The following EGLN1 variants were observed in gnomAD, a reference collection of about 807,000 sequenced individuals.
EGLN1 encodes egl nine homolog 1.
EGLN1 carries 17 observed loss-of-function variants against 38.3 expected under a neutral mutation model. That is an observed-to-expected ratio of 0.44 (90% CI 0.30 to 0.67). The LOEUF (loss-of-function observed/expected upper bound fraction) is 0.67. Among genes scored for constraint, EGLN1 ranks in the 30% least tolerant of loss-of-function variants. EGLN1 has a pLI of 0.08. For missense variants in EGLN1, 477 were observed against 603.3 expected (o/e 0.79, Z 2.19); for synonymous variants, 283 against 257.5 (o/e 1.10, Z -0.95).
At position 231,392,956 on chromosome 1, in the gene EGLN1, G is replaced by A. The variant is rs117775352; in HGVS notation, c.892-18857C>T. Among the ~76,000 whole-genome samples the A allele has an allele frequency of 2.1e-3, 315 of 152,300 alleles. 3 individuals are homozygous for A. The highest frequency in any genetic ancestry group is 0.014 in the East Asian group (74 of 5,170). On this transcript the variant is annotated intron_variant, in intron 1 of 4. Transcript: ENST00000366641. ...GGTTCACTCTCTACCCTCCAGGGTG[G>A]ACATGTGGCTCAAGCCTGGCCAGAA...
intron 1 of EGLN1, among the ~76,000 whole-genome samples, chr1:231,391,323 G>A (rs1688381808): frequency 6.6e-6 from 1 of 151,922 alleles, no homozygotes; most frequent in Non-Finnish European, 1.5e-5. Flanking sequence ...CATCCATAAG[G>A]CAGTGCTTCT....
intron 1 of EGLN1, among the ~76,000 whole-genome samples, chr1:231,385,853 C>T (rs1688192204): frequency 6.6e-6 from 1 of 152,062 alleles, no homozygotes; most frequent in Non-Finnish European, 1.5e-5. Flanking sequence ...TGATTTTTTT[C>T]TTTTTCTATT....
chr1:231,364,668 C>T lies in EGLN1; in HGVS notation c.*1743G>A, dbSNP rs1195163698. 6.6e-6 allele frequency: 1 copy of T among 152,124 alleles called. No homozygotes were observed. The highest frequency in any genetic ancestry group is 6.5e-5 in the Admixed American group (1 of 15,282). The allele number at this position is 152,124 out of a possible 1,614,324, so 9.4% of individuals were successfully genotyped here. A position where few individuals can be genotyped will look rare whatever the true frequency, so the allele number is the denominator to read the frequency against. ...TCTTTTAATAAAAATTACTGAGCTT[C>T]CCATAGAAAAGGTCTCAAATTGAAT... On this transcript the variant is annotated 3_prime_UTR_variant, in exon 5 of 5. Coordinates refer to ENST00000366641, the MANE Select transcript of EGLN1 (RefSeq NM_022051.3).
chr1:231,393,451 T>C (rs893104857), intron 1 of EGLN1, among the ~76,000 whole-genome samples: 2 of 152,202 alleles, frequency 1.3e-5, no homozygotes, highest in African/African-American at 2.4e-5. Flanking sequence ...TAACAATTAC[T>C]AGCTGCGTGG....
At chr1:231,386,777 T>A (rs1053817717) in intron 1 of EGLN1, among the ~76,000 whole-genome samples, 5 of 152,194 alleles carry the variant, frequency 3.3e-5, no homozygotes, top group African/African-American at 1.2e-4. Context: ...AACATAAACA[T>A]CTTTAATACA....
chr1:231,378,856 G>T (rs901842038), intron 1 of EGLN1, among the ~76,000 whole-genome samples: 2 of 152,124 alleles, frequency 1.3e-5, no homozygotes, highest in African/African-American at 2.4e-5. Context: ...GAAGGGAAAA[G>T]GTTTACTATC....
chr1:231,394,263 C>T lies in EGLN1; in HGVS notation c.892-20164G>A, dbSNP rs553228380. Among the ~76,000 whole-genome samples the T allele has an allele frequency of 5.3e-5, 8 of 152,296 alleles. No homozygotes were observed. The South Asian group carries it at 1.7e-3, about 32-fold the overall frequency. On this transcript the variant is annotated intron_variant, in intron 1 of 4. Transcript: ENST00000366641. ...AAAGTTGTCTCTGACCTCACCTGGA[C>T]CTTCAGAACTCCTTGGCAATTTCTG...
chr1:231,370,833 A>G (rs1041288968), intron 2 of EGLN1, 135 bp from the exon 3 acceptor site: 66 of 1,018,260 alleles, frequency 6.5e-5, no homozygotes, highest in Non-Finnish European at 9.4e-5. Context: ...TATGAAGATG[A>G]GCTGCAATTT....
intron 1 of EGLN1, among the ~76,000 whole-genome samples, chr1:231,406,165 C>CAAAAAAAAAAAAAAAAAAA (rs5781651): frequency 7.2e-6 from 1 of 139,090 alleles, no homozygotes; most frequent in Non-Finnish European, 1.5e-5. Flanking sequence ...GACTCCGTCT[C>CAAAAAAAAAAAAAAAAAAA]AAAAAAAAAA....
At chr1:231,380,307 C>T (rs1323307956) in intron 1 of EGLN1, among the ~76,000 whole-genome samples, 6 of 135,518 alleles carry the variant, frequency 4.4e-5, no homozygotes, top group Non-Finnish European at 6.3e-5. Flanking sequence ...CAGAGCGAGA[C>T]TCCGTCTCAA....
intron 1 of EGLN1, among the ~76,000 whole-genome samples, chr1:231,405,566 T>C (rs953006920): frequency 3.9e-5 from 6 of 152,140 alleles, no homozygotes; most frequent in Non-Finnish European, 7.3e-5. Context: ...TCCCATTTCA[T>C]AGATGGAGAG....
At chr1:231,396,466 A>G (rs1688533543) in intron 1 of EGLN1, among the ~76,000 whole-genome samples, 2 of 151,944 alleles carry the variant, frequency 1.3e-5, no homozygotes, top group African/African-American at 4.8e-5. Context: ...GTTGGCCAGG[A>G]TGGTCTCGAT....
chr1:231,400,237 C>G (rs1306545749), intron 1 of EGLN1, among the ~76,000 whole-genome samples: 2 of 151,882 alleles, frequency 1.3e-5, no homozygotes, highest in African/African-American at 4.8e-5. Context: ...ATTCTCAGAC[C>G]CAAATGTGAA....
chr1:231,395,266 A>G (rs1688491827), intron 1 of EGLN1, among the ~76,000 whole-genome samples: 1 of 152,200 alleles, frequency 6.6e-6, no homozygotes, highest in Admixed American at 6.5e-5. Context: ...CTTTGGCTCC[A>G]CAGACAAGTT....
intron 1 of EGLN1, among the ~76,000 whole-genome samples, chr1:231,413,328 G>A (rs1261304497): frequency 6.6e-6 from 1 of 151,878 alleles, no homozygotes; most frequent in Non-Finnish European, 1.5e-5. Flanking sequence ...CGCCCACCTC[G>A]ACCTCCCAAA....
intron 1 of EGLN1, among the ~76,000 whole-genome samples, chr1:231,394,380 T>C (rs995498801): frequency 2.0e-4 from 22 of 107,816 alleles, no homozygotes; most frequent in Non-Finnish European, 8.8e-5. Context: ...GTCCCAATTT[T>C]CCTTTTTTTT....
chr1:231,411,925 GA>G (rs1204753423), intron 1 of EGLN1, among the ~76,000 whole-genome samples: 1 of 140,460 alleles, frequency 7.1e-6, no homozygotes, highest in Non-Finnish European at 1.5e-5. Context: ...CTTGAACCCA[GA>G]AGGCAGAGGT....
intron 2 of EGLN1, among the ~76,000 whole-genome samples, chr1:231,370,940 A>T (rs1228302811): frequency 6.6e-6 from 1 of 152,208 alleles, no homozygotes; most frequent in African/African-American, 2.4e-5. Context: ...CCCAGGCTGG[A>T]GTGCAGTGGC....
intron 2 of EGLN1, among the ~76,000 whole-genome samples, chr1:231,372,939 AC>A (rs1687865375): frequency 6.6e-6 from 1 of 152,218 alleles, no homozygotes; most frequent in African/African-American, 2.4e-5. Context: ...CCCTGGCTAC[AC>A]AGGTATGTTC....
Sources: gnomAD v4.1 joint callset for allele counts (sites outside exome capture counted in the v4.1 genomes callset) on GRCh38, gnomAD v4.1.1 for gene constraint, MANE v1.5 for transcripts, NCBI Gene and HGNC (gene_info 2026-07-23, HGNC 2026-07-21) for gene names.